IL1R2: variants seen among roughly 807,000 people sequenced by gnomAD.
IL1R2 encodes interleukin-1 receptor type 2.
A neutral mutation model predicts 39.5 loss-of-function variants in IL1R2; 46 were observed. The ratio of observed to expected loss-of-function variants is 1.16; its 90% CI spans 0.92 to 1.49. The LOEUF (loss-of-function observed/expected upper bound fraction) is 1.49, where lower values mean the gene tolerates loss of function less well. Ranked by LOEUF, IL1R2 falls within the 40% of genes most tolerant of loss-of-function variation. The pLI, the probability that IL1R2 is intolerant of heterozygous loss-of-function variation, is 0.00. For missense variants in IL1R2, 537 were observed against 502.0 expected (o/e 1.07, Z -0.67); for synonymous variants, 207 against 189.6 (o/e 1.09, Z -0.75).
At chr2:102,020,729 C>T (rs753402862) in intron 5 of IL1R2, among the ~76,000 whole-genome samples, 2 of 152,196 alleles carry the variant, frequency 1.3e-5, no homozygotes, top group African/African-American at 4.8e-5. Flanking sequence ...GCCACTGACT[C>T]AGGTCTCCTG....
intron 1 of IL1R2, among the ~76,000 whole-genome samples, chr2:101,993,185 T>C (rs189973921): frequency 6.6e-6 from 1 of 152,284 alleles, no homozygotes; most frequent in African/African-American, 2.4e-5. Context: ...GATTCTCTAA[T>C]GCCTGGCTCT....
chr2:102,010,760 TA>T (rs1381768658), intron 3 of IL1R2, among the ~76,000 whole-genome samples: 1 of 152,016 alleles, frequency 6.6e-6, no homozygotes, highest in African/African-American at 2.4e-5. Context: ...GTAGAAAAAA[TA>T]CACATAACAA....
rs768148742 is a variant in IL1R2, at chr2:102,000,712, C to T, written c.-61-7803C>T. Among the ~76,000 whole-genome samples the T allele has an allele frequency of 9.9e-5, 15 of 152,246 alleles. 1 individual carries two copies. Among genetic ancestry groups the T allele is most frequent in the South Asian group, 2.1e-4 (1 of 4,820 alleles). On this transcript the variant is annotated intron_variant, in intron 1 of 8. Transcript: ENST00000332549. ...GTTGATGCTTTTACAGAGCAGAGAA[C>T]GAGTGCCAAAACCAAGGATTGTGTA...
At chr2:102,017,463 T>A (rs1238396734) in intron 4 of IL1R2, among the ~76,000 whole-genome samples, 1 of 151,910 alleles carries the variant, frequency 6.6e-6, no homozygotes, top group Non-Finnish European at 1.5e-5. Context: ...TGAACACAAT[T>A]TATTCCCTTG....
chr2:102,023,842 T>A (rs1038570073), intron 6 of IL1R2, among the ~76,000 whole-genome samples: 5 of 151,018 alleles, frequency 3.3e-5, no homozygotes, highest in South Asian at 2.1e-4. Flanking sequence ...GGTTAGGAGA[T>A]CGAGACCATC....
At chr2:102,023,819 A>G (rs1677543950) in intron 6 of IL1R2, among the ~76,000 whole-genome samples, 1 of 151,900 alleles carries the variant, frequency 6.6e-6, no homozygotes, top group Non-Finnish European at 1.5e-5. Flanking sequence ...AGGCCGAGGC[A>G]GGTGGATCAC....
chr2:102,015,172 A>G (rs2150444606), intron 3 of IL1R2, among the ~76,000 whole-genome samples: 1 of 152,244 alleles, frequency 6.6e-6, no homozygotes, highest in South Asian at 2.1e-4. Flanking sequence ...CTGCATGTGG[A>G]TATGGTTTCC....
Position 102,013,690 on chromosome 2 carries a change from C to T in IL1R2, c.333-2181C>T, listed in dbSNP as rs1174535076. On this transcript the variant is annotated intron_variant, in intron 3 of 8. Transcript: ENST00000332549. Reference sequence around the variant, plus strand: ...TAAAATAACAAGGGCTTATTTCTTACACATGCAACAGGTCCATTGTGGGTT... The same window carrying T: ...TAAAATAACAAGGGCTTATTTCTTATACATGCAACAGGTCCATTGTGGGTT... Among the ~76,000 whole-genome samples, 3 of 151,478 alleles carry T rather than the reference C, an allele frequency of 2.0e-5. No homozygotes were observed. In the East Asian group the frequency reaches 5.8e-4, roughly 29 times the overall value.
chr2:102,005,219 G>T (rs769722614), intron 1 of IL1R2, among the ~76,000 whole-genome samples: 2 of 152,196 alleles, frequency 1.3e-5, no homozygotes, highest in Non-Finnish European at 2.9e-5. Flanking sequence ...GCCTGACCCT[G>T]AGAGAATGTG....
chr2:102,020,690 G>A (rs1048049113), intron 5 of IL1R2, among the ~76,000 whole-genome samples: 2 of 152,198 alleles, frequency 1.3e-5, no homozygotes, highest in Non-Finnish European at 2.9e-5. Flanking sequence ...GTGAGGATTC[G>A]TTCATATCAG....
rs374536258 is a variant in IL1R2, at chr2:102,024,647, G to A, written c.866G>A (p.Arg289His). Residue 289 changes from arginine to histidine, a missense_variant, in exon 7 of 9, where the codon CGC becomes CAC. By Grantham distance (29) the Arg-to-His change is conservative (BLOSUM62 0). Transcript: ENST00000332549. Reference protein sequence around the residue: ...THIESAYPGGRVTEGPRQEYS... With the variant: ...THIESAYPGGHVTEGPRQEYS... ...ATAGAGAGCGCCTACCCGGGAGGCC[G>A]CGTGACCGAGGGGCCACGCCAGTAA... 3.8e-5 allele frequency: 62 copies of A among 1,613,996 alleles called. No homozygotes were observed. Among genetic ancestry groups the A allele is most frequent in the Non-Finnish European group, 4.4e-5 (52 of 1,179,976 alleles).
intron 8 of IL1R2, among the ~76,000 whole-genome samples, chr2:102,026,674 TAGGG>T (rs1677765542): frequency 2.6e-5 from 4 of 152,162 alleles, no homozygotes; most frequent in Admixed American, 1.3e-4. Context: ...AGGGCAGCTT[TAGGG>T]TCAAAGTCAT....
intron 4 of IL1R2, among the ~76,000 whole-genome samples, chr2:102,016,798 A>G (rs950479044): frequency 3.3e-5 from 5 of 152,224 alleles, no homozygotes; most frequent in Admixed American, 1.3e-4. Flanking sequence ...GGTTATATGC[A>G]AAGATGACAC....
At chr2:102,006,605 G>A (rs1676276205) in intron 1 of IL1R2, among the ~76,000 whole-genome samples, 1 of 152,208 alleles carries the variant, frequency 6.6e-6, no homozygotes, top group Admixed American at 6.5e-5. Context: ...AAAAGTGGCT[G>A]GGAATTTTTC....
chr2:102,014,033 AC>A, intron 3 of IL1R2, among the ~76,000 whole-genome samples: 1 of 152,060 alleles, frequency 6.6e-6, no homozygotes, highest in Non-Finnish European at 1.5e-5. Flanking sequence ...ATTGCCCCTC[AC>A]CCTTCTCTTT....
chr2:102,016,793 T>C (rs1047134013), intron 4 of IL1R2, among the ~76,000 whole-genome samples: 2 of 152,230 alleles, frequency 1.3e-5, no homozygotes, highest in African/African-American at 4.8e-5. Flanking sequence ...CCGTAGGTTA[T>C]ATGCAAAGAT....
At chr2:102,013,008 T>C (rs1187749639) in intron 3 of IL1R2, among the ~76,000 whole-genome samples, 1 of 152,182 alleles carries the variant, frequency 6.6e-6, no homozygotes, top group Non-Finnish European at 1.5e-5. Flanking sequence ...GGAACTAGCG[T>C]GGGGTCTGCC....
Position 102,024,593 on chromosome 2 carries a change from T to C in IL1R2, c.812T>C (p.Met271Thr), listed in dbSNP as rs771800959. Reference sequence around the variant, plus strand: ...GGAACCGGCACACCCTTAACCACCATGCTGTGGTGGACGGCCAATGACACC... The same window carrying C: ...GGAACCGGCACACCCTTAACCACCACGCTGTGGTGGACGGCCAATGACACC... ...FLGTGTPLTT[M>T]LWWTANDTHI... The change falls in exon 7 of 9, where the codon ATG (methionine) becomes ACG (threonine). Residue 271 changes from methionine (M) to threonine (T), a missense_variant. Physicochemically the swap from Met to Thr is moderately conservative, Grantham distance 81 (BLOSUM62 -1). Transcript: ENST00000332549. The C allele has an allele frequency of 1.2e-6, 2 of 1,614,024 alleles. No individual in the cohort carries two copies. Among genetic ancestry groups the C allele is most frequent in the East Asian group, 2.2e-5 (1 of 44,874 alleles).
At chr2:102,005,651 A>G (rs905752593) in intron 1 of IL1R2, among the ~76,000 whole-genome samples, 5 of 152,030 alleles carry the variant, frequency 3.3e-5, no homozygotes, top group African/African-American at 7.2e-5. Flanking sequence ...ATTAGTGGAG[A>G]CCTCCCAGGG....
Sources: gnomAD v4.1 joint callset for allele counts (sites outside exome capture counted in the v4.1 genomes callset) on GRCh38, gnomAD v4.1.1 for gene constraint, MANE v1.5 for transcripts, NCBI Gene and HGNC (gene_info 2026-07-23, HGNC 2026-07-21) for gene names.